LTBP1: variants seen among roughly 807,000 people sequenced by gnomAD.
The protein encoded by LTBP1 is latent transforming growth factor beta binding protein 1, also known as latent-transforming growth factor beta-binding protein 1.
Under a neutral mutation model 207.6 loss-of-function variants are expected in LTBP1, and 129 were observed. The ratio of observed to expected loss-of-function variants is 0.62; its 90% CI spans 0.54 to 0.72. The LOEUF is 0.72. Ranked by LOEUF, LTBP1 falls within the 30% of genes least tolerant of loss-of-function variation. The pLI, the probability that LTBP1 is intolerant of heterozygous loss-of-function variation, is 0.00. For missense variants in LTBP1, 2,281 were observed against 2,217.2 expected, an observed-to-expected ratio of 1.03 and a Z score of -0.58; for synonymous variants, 963 against 833.7, an observed-to-expected ratio of 1.16 and a Z score of -2.67.
At chr2:33,360,294 G>C (rs2094912676) in intron 26 of LTBP1, among the ~76,000 whole-genome samples, 1 of 152,148 alleles carries the variant, frequency 6.6e-6, no homozygotes, top group Non-Finnish European at 1.5e-5. Flanking sequence ...TGTTTGGCAA[G>C]AAAAGGAGAT....
chr2:33,365,536 C>A (rs770318762), intron 31 of LTBP1, 33 bp downstream of exon 31: 3 of 1,598,718 alleles, frequency 1.9e-6, no homozygotes, highest in East Asian at 4.5e-5. Context: ...CTGCAGGAGG[C>A]CTTTGGGGAC....
intron 4 of LTBP1, among the ~76,000 whole-genome samples, chr2:33,120,122 C>G (rs938625592): frequency 1.3e-5 from 2 of 149,096 alleles, no homozygotes; most frequent in African/African-American, 4.9e-5. Context: ...GAAATACGTA[C>G]ATGTATATAT....
intron 3 of LTBP1, among the ~76,000 whole-genome samples, chr2:33,107,250 T>G (rs944793378): frequency 1.3e-5 from 2 of 152,228 alleles, no homozygotes; most frequent in African/African-American, 2.4e-5. Flanking sequence ...AGATATGTAT[T>G]CGATCTCCAT....
chr2:33,074,992 A>G (rs943588065), intron 3 of LTBP1, among the ~76,000 whole-genome samples: 5 of 152,178 alleles, frequency 3.3e-5, no homozygotes, highest in Non-Finnish European at 7.3e-5. Flanking sequence ...CGGAGGTTGC[A>G]GTGAGCTGAG....
chr2:33,027,244 T>C (rs1211586210), intron 3 of LTBP1, among the ~76,000 whole-genome samples: 1 of 152,238 alleles, frequency 6.6e-6, no homozygotes, highest in Admixed American at 6.5e-5. Flanking sequence ...ATAAAAATTG[T>C]ATGTATTTAC....
At chr2:32,952,531 C>T (rs774259596) in intron 2 of LTBP1, among the ~76,000 whole-genome samples, 7 of 152,216 alleles carry the variant, frequency 4.6e-5, no homozygotes, top group Non-Finnish European at 8.8e-5. Flanking sequence ...CATTTGTGCT[C>T]TTTCCAAGGA....
At chr2:33,081,328 C>G (rs545890940) in intron 3 of LTBP1, among the ~76,000 whole-genome samples, 1 of 152,114 alleles carries the variant, frequency 6.6e-6, no homozygotes, top group East Asian at 1.9e-4. Context: ...TTTGGGGTAG[C>G]CTGTCCTAAA....
intron 5 of LTBP1, among the ~76,000 whole-genome samples, chr2:33,140,269 A>T (rs371507636): frequency 1.6e-4 from 25 of 152,200 alleles, no homozygotes; most frequent in East Asian, 9.6e-4. Context: ...AAATAATCTG[A>T]CATAACTGCT....
At chr2:33,041,428 G>A (rs1047767377) in intron 3 of LTBP1, among the ~76,000 whole-genome samples, 6 of 152,140 alleles carry the variant, frequency 3.9e-5, no homozygotes, top group Non-Finnish European at 8.8e-5. Context: ...GGGACTACAG[G>A]TGCCCGCCAC....
intron 5 of LTBP1, among the ~76,000 whole-genome samples, chr2:33,142,407 G>A (rs2082703043): frequency 6.6e-6 from 1 of 152,146 alleles, no homozygotes; most frequent in Admixed American, 6.5e-5. Flanking sequence ...GTTTGGTATG[G>A]AGCTTGCTTT....
intron 27 of LTBP1, 135 bp from the exon 28 acceptor site, chr2:33,361,294 T>TTTTGAGA (rs2094924621): frequency 3.7e-6 from 2 of 542,940 alleles, no homozygotes; most frequent in Non-Finnish European, 6.5e-6. Context: ...ATCCATCATT[T>TTTTGAGA]TTTGAGATTG....
rs2091148040 is a variant in LTBP1 at position 33,222,096 on chromosome 2, C to A, written c.1821C>A (p.Asn607Lys). 3 of 1,612,396 alleles carry A rather than the reference C, an allele frequency of 1.9e-6. No individual in the cohort carries two copies. The highest frequency in any genetic ancestry group is 1.3e-5 in the African/African-American group (1 of 74,898). The change falls in exon 9 of 34, where the codon AAC (asparagine) becomes AAA (lysine). Residue 607 changes from asparagine (N) to lysine (K), a missense_variant. By Grantham distance (94) the Asn-to-Lys change is moderately conservative. Transcript: ENST00000404816. Reference protein sequence around the residue: ...CPKKPSYHGYNQMMECLPGYK... With the variant: ...CPKKPSYHGYKQMMECLPGYK... ...CCCTTACAGCTTATCATGGATACAA[C>A]CAAATGATGGAATGCCTACCGGGTT... is the stretch of plus-strand genomic sequence containing the variant.
chr2:33,184,957 G>A (rs1261206558), intron 5 of LTBP1, among the ~76,000 whole-genome samples: 1 of 152,112 alleles, frequency 6.6e-6, no homozygotes, highest in Non-Finnish European at 1.5e-5. Context: ...AATCAGATTT[G>A]TGGCAGCAAG....
intron 9 of LTBP1, among the ~76,000 whole-genome samples, chr2:33,237,415 T>C (rs974425209): frequency 2.6e-5 from 4 of 152,194 alleles, no homozygotes; most frequent in Middle Eastern, 3.2e-3. Context: ...AGAACATTGG[T>C]TTTCAAATAT....
intron 3 of LTBP1, among the ~76,000 whole-genome samples, chr2:33,094,368 A>C (rs1306830560): frequency 1.3e-5 from 2 of 152,216 alleles, no homozygotes; most frequent in African/African-American, 4.8e-5. Context: ...ATATTGGAAC[A>C]AGCAGTTGTC....
intron 26 of LTBP1, among the ~76,000 whole-genome samples, chr2:33,359,582 T>C (rs185178641): frequency 5.6e-4 from 85 of 152,338 alleles, no homozygotes; most frequent in Admixed American, 1.8e-3. Context: ...CTGGAAATAG[T>C]AGAGTTCTAG....
chr2:33,067,366 A>G (rs1244501298), intron 3 of LTBP1, among the ~76,000 whole-genome samples: 1 of 152,232 alleles, frequency 6.6e-6, no homozygotes, highest in Non-Finnish European at 1.5e-5. Flanking sequence ...CATTGTTTTA[A>G]TCACTAGTAA....
intron 24 of LTBP1, among the ~76,000 whole-genome samples, chr2:33,339,558 T>A (rs2094591682): frequency 6.6e-6 from 1 of 152,110 alleles, no homozygotes; most frequent in African/African-American, 2.4e-5. Context: ...ACATTGAAAA[T>A]CAATCAGAAC....
rs1269389828 is a variant in LTBP1 at position 33,293,276 on chromosome 2, T to A, written c.3229T>A (p.Cys1077Ser). Residue 1077 changes from cysteine to serine, a missense_variant, in exon 20 of 34, where the codon TGT becomes AGT. Cys to Ser is a moderately radical substitution (Grantham distance 112). Around this residue, in one of 3 missense-constraint regions of LTBP1, gnomAD observed 1,671 missense variants for 1,634.8 expected, o/e 1.02. Coordinates refer to ENST00000404816, the MANE Select transcript of LTBP1 (RefSeq NM_206943.4). ...TACCCGGACTCCGGACCACAAGCACTGTAGAGGTAAATACTGTGATCAAGT... is the reference window on the plus strand; with the variant it reads ...TACCCGGACTCCGGACCACAAGCACAGTAGAGGTAAATACTGTGATCAAGT... ...GYTRTPDHKH[C>S]RDIDECQQGN... The A allele has an allele frequency of 6.2e-7, 1 of 1,610,090 alleles. No individual in the cohort carries two copies. The highest frequency in any genetic ancestry group is 8.5e-7 in the Non-Finnish European group (1 of 1,179,146).
Sources: allele counts gnomAD v4.1 joint callset (sites outside exome capture counted in the v4.1 genomes callset), GRCh38; gene constraint gnomAD v4.1.1; regional missense constraint gnomAD v4.1.1; transcripts MANE v1.5; gene names NCBI Gene and HGNC (gene_info 2026-07-23, HGNC 2026-07-21).